Variants in TMEM39A observed in about 807,000 individuals in gnomAD.
TMEM39A encodes suppressor of SQST-1 aggregates in rpl-43 mutants.
TMEM39A carries 19 observed loss-of-function variants against 51.9 expected under a neutral mutation model. The ratio of observed to expected loss-of-function variants is 0.37; its 90% CI spans 0.26 to 0.54. The LOEUF (loss-of-function observed/expected upper bound fraction) is 0.54. Among genes scored for constraint, TMEM39A ranks in the 20% least tolerant of loss-of-function variants. The pLI, the probability that TMEM39A is intolerant of heterozygous loss-of-function variation, is 0.88. For synonymous variants in TMEM39A, 197 were observed against 220.2 expected (o/e 0.89, Z 0.93); for missense variants, 433 against 590.5 (o/e 0.73, Z 2.76).
chr3:119,447,997 G>A (rs918369811), intron 4 of TMEM39A, among the ~76,000 whole-genome samples: 9 of 152,144 alleles, frequency 5.9e-5, no homozygotes, highest in African/African-American at 2.2e-4. Context: ...CTCAACAGCA[G>A]TAACAATATT....
rs1190523104 is a variant in TMEM39A at position 119,429,213 on chromosome 3, AAAAG to A, written c.*2764_*2767del. Among the ~76,000 whole-genome samples, 1 of 152,064 alleles carries A rather than the reference AAAAG, an allele frequency of 6.6e-6. No individual in the cohort carries two copies. Among genetic ancestry groups the A allele is most frequent in the Non-Finnish European group, 1.5e-5 (1 of 67,958 alleles). On this transcript the variant is annotated 3_prime_UTR_variant, in exon 9 of 9. Coordinates refer to ENST00000319172, the MANE Select transcript of TMEM39A (RefSeq NM_018266.3). Reference sequence around the variant, plus strand: ...ATAGAAATAAAAAAATTAATTAAAAAAAAGAGAGAGAAACGGCACAACAGGTGGC... The same window carrying A: ...ATAGAAATAAAAAAATTAATTAAAAAAGAGAGAAACGGCACAACAGGTGGC...
In TMEM39A at chr3:119,447,076, T is replaced by C. The variant is rs972644138; in HGVS notation, c.517A>G (p.Thr173Ala). The change falls in exon 5 of 9, where the codon ACC (threonine) becomes GCC (alanine). Residue 173 changes from threonine to alanine, a missense_variant. This residue lies in a region of TMEM39A where 170 missense variants were observed against 239.8 expected (regional missense o/e 0.71). Coordinates refer to ENST00000319172, the MANE Select transcript of TMEM39A (RefSeq NM_018266.3). ...TGGCTTCGAAAGAGATTGACGAGGG[T>C]CCAACAAAGTACCCATCCACACAAA... ...LTLCGWVLCW[T>A]LVNLFRSHSV... 5 of 1,613,750 alleles carry C rather than the reference T, an allele frequency of 3.1e-6. No individual in the cohort carries two copies. In the African/African-American group the frequency reaches 6.7e-5, roughly 22 times the overall value.
intron 5 of TMEM39A, among the ~76,000 whole-genome samples, chr3:119,441,892 A>G (rs2081058063): frequency 6.6e-6 from 1 of 152,222 alleles, no homozygotes. Flanking sequence ...TACCATTCCA[A>G]AAATCCTACC....
chr3:119,463,307 G>A (rs956653112), intron 1 of TMEM39A, 29 bp downstream of exon 1: 19 of 331,328 alleles, frequency 5.7e-5, no homozygotes, highest in Non-Finnish European at 8.7e-5. Flanking sequence ...CAGGACAGCC[G>A]GACCTTGGGG....
intron 6 of TMEM39A, 78 bp downstream of exon 6, chr3:119,437,677 G>A (rs1009027007): frequency 1.7e-6 from 2 of 1,198,472 alleles, no homozygotes; most frequent in African/African-American, 3.1e-5. Context: ...GAGAAAAGGG[G>A]GATTAAACAA....
At chr3:119,457,029 G>A (rs1057372846) in intron 3 of TMEM39A, among the ~76,000 whole-genome samples, 3 of 150,398 alleles carry the variant, frequency 2.0e-5, no homozygotes, top group South Asian at 2.1e-4. Context: ...GGAGTGCAGC[G>A]GCTCGATTTC....
intron 5 of TMEM39A, among the ~76,000 whole-genome samples, chr3:119,438,502 TTGTA>T (rs2081005658): frequency 6.6e-6 from 1 of 152,236 alleles, no homozygotes; most frequent in Non-Finnish European, 1.5e-5. Flanking sequence ...TGTTTAAACT[TTGTA>T]TGTGTGCATG....
At chr3:119,439,571 C>T (rs1405575190) in intron 5 of TMEM39A, among the ~76,000 whole-genome samples, 1 of 135,132 alleles carries the variant, frequency 7.4e-6, no homozygotes, top group Non-Finnish European at 1.6e-5. Flanking sequence ...AAGAGTGAAA[C>T]TCCTTCTCAA....
At chr3:119,435,579 A>T (rs879328638) in intron 7 of TMEM39A, 47,271 of 525,480 alleles carry the variant, frequency 0.09, 11 homozygotes, top group Non-Finnish European at 0.11. Flanking sequence ...AAGCTTTTTA[A>T]AAAAAAAAAA....
At position 119,431,887 on chromosome 3, in the gene TMEM39A, T is replaced by A; in HGVS notation, c.*94A>T. 1.2e-6 allele frequency: 1 copy of A among 864,558 alleles called. No individual in the cohort carries two copies. The highest frequency in any genetic ancestry group is 1.7e-6 in the Non-Finnish European group (1 of 587,874). The allele number at this position is 864,558 out of a possible 1,614,324, so 53.6% of individuals were successfully genotyped here. A position where few individuals can be genotyped will look rare whatever the true frequency, so the allele number is the denominator to read the frequency against. ...TCAAAACATAATAGTATACAAAATA[T>A]AAAATATCTTAAATATTTATAAAAA... On this transcript the variant is annotated 3_prime_UTR_variant, in exon 9 of 9. Transcript: ENST00000319172.
Position 119,436,836 on chromosome 3 carries a change from C to T in TMEM39A, c.1067G>A (p.Trp356Ter). 6.2e-7 allele frequency: 1 copy of T among 1,613,996 alleles called. No individual in the cohort carries two copies. The highest frequency in any genetic ancestry group is 8.5e-7 in the Non-Finnish European group (1 of 1,179,930). ...GTAGGACCCATGTTCCAACTTCTGC[C>T]ACTTGCCCAGGTGAGCAGCTGATTT... ...LHKSAAHLGK[W>*]QKLEHGSYSN... The change falls in exon 7 of 9, where the codon TGG becomes TAG. Residue 356 changes from tryptophan to a stop codon, truncating the protein, a stop_gained. Transcript: ENST00000319172. LOFTEE classifies it high-confidence loss of function.
chr3:119,433,250 A>T (rs1315750489), intron 8 of TMEM39A, among the ~76,000 whole-genome samples: 1 of 152,190 alleles, frequency 6.6e-6, no homozygotes, highest in Non-Finnish European at 1.5e-5. Flanking sequence ...TTTGACAGCT[A>T]TAGGTAATAG....
chr3:119,432,158 A>G lies in TMEM39A; in HGVS notation c.1290T>C (p.Ser430=). 1 of 1,613,272 alleles carries G rather than the reference A, an allele frequency of 6.2e-7. No homozygotes were observed. ...LLNLLILIEG[S]VVFYQLYSLL... ...AGGAATAGAGCTGATAGAAGACGACACTGCCCTCAATAAGGATGAGCAGAT... is the reference window on the plus strand; with the variant it reads ...AGGAATAGAGCTGATAGAAGACGACGCTGCCCTCAATAAGGATGAGCAGAT... Residue 430 remains serine (S), a synonymous_variant, in exon 9 of 9, where the codon AGT becomes AGC. Transcript: ENST00000319172.
chr3:119,452,115 T>C (rs917392956), intron 4 of TMEM39A, among the ~76,000 whole-genome samples: 35 of 152,224 alleles, frequency 2.3e-4, no homozygotes, highest in African/African-American at 7.7e-4. Context: ...TTAGGTGCAA[T>C]TGTATGTGTA....
rs559855771 is a variant in TMEM39A, at chr3:119,458,328, C to T, written c.114-88G>A. On this transcript the variant is annotated intron_variant, in intron 2 of 8. Transcript: ENST00000319172. The stretch of plus-strand genomic sequence containing the variant: ...GGCTCCTGCTGTCTCCTCCATCTAC[C>T]CCTTCACTGTCTGCTTTCCCCACAA... 2.3e-5 allele frequency: 25 copies of T among 1,081,694 alleles called. No individual in the cohort carries two copies. The African/African-American group carries it at 3.6e-4, about 16-fold the overall frequency. 67.0% of individuals were successfully genotyped at this position (1,081,694 alleles called of 1,614,324 possible). A position where few individuals can be genotyped will look rare whatever the true frequency, so the allele number is the denominator to read the frequency against.
chr3:119,459,243 C>A (rs932239992), intron 2 of TMEM39A, among the ~76,000 whole-genome samples: 1 of 152,210 alleles, frequency 6.6e-6, no homozygotes, highest in African/African-American at 2.4e-5. Context: ...TGTGCCTAAA[C>A]TGTTTATACA....
chr3:119,438,779 C>A (rs1387849504), intron 5 of TMEM39A, among the ~76,000 whole-genome samples: 1 of 152,118 alleles, frequency 6.6e-6, no homozygotes, highest in East Asian at 1.9e-4. Flanking sequence ...TAGTAGGGGG[C>A]CCTCCTGCCT....
chr3:119,457,391 T>C (rs544030406), intron 3 of TMEM39A, among the ~76,000 whole-genome samples: 1 of 152,354 alleles, frequency 6.6e-6, no homozygotes, highest in South Asian at 2.1e-4. Flanking sequence ...TTGATTTAAG[T>C]TCACTATGTA....
intron 6 of TMEM39A, among the ~76,000 whole-genome samples, chr3:119,437,523 T>TAAAAAAA (rs543556839): frequency 1.0e-5 from 1 of 96,608 alleles, no homozygotes; most frequent in Non-Finnish European, 2.3e-5. Flanking sequence ...TAAAAATACT[T>TAAAAAAA]AAAAAAAAAA....
Sources: gnomAD v4.1 joint callset for allele counts (sites outside exome capture counted in the v4.1 genomes callset) on GRCh38, gnomAD v4.1.1 for gene constraint, gnomAD v4.1.1 regional missense constraint, MANE v1.5 for transcripts, NCBI Gene and HGNC (gene_info 2026-07-23, HGNC 2026-07-21) for gene names.